Variants in MAP7 observed in about 807,000 individuals in gnomAD.
MAP7 encodes microtubule associated protein 7.
Under a neutral mutation model 94.8 loss-of-function variants are expected in MAP7, and 52 were observed. That is an observed-to-expected ratio of 0.55 (90% CI 0.44 to 0.69). The LOEUF is 0.69. Ranked by LOEUF, MAP7 falls within the 30% of genes least tolerant of loss-of-function variation. MAP7 has a pLI of 0.00. For missense variants in MAP7, 940 were observed against 964.6 expected (o/e 0.97, Z 0.34); for synonymous variants, 350 against 357.0 (o/e 0.98, Z 0.22).
intron 1 of MAP7, among the ~76,000 whole-genome samples, chr6:136,521,782 C>T (rs1193578274): frequency 6.6e-6 from 1 of 152,178 alleles, no homozygotes; most frequent in Admixed American, 6.5e-5. Flanking sequence ...CTCAGCCAGA[C>T]ATTTGGGATG....
chr6:136,453,095 A>G (rs141760504), intron 1 of MAP7, among the ~76,000 whole-genome samples: 1 of 152,332 alleles, frequency 6.6e-6, no homozygotes, highest in African/African-American at 2.4e-5. Flanking sequence ...CGTGAAGTAT[A>G]TATGTTAATA....
At chr6:136,364,369 C>T (rs1346304173) in intron 10 of MAP7, 15 of 393,102 alleles carry the variant, frequency 3.8e-5, no homozygotes, top group African/African-American at 2.1e-5. Flanking sequence ...GCCCCCTCCA[C>T]CAATGCTGTT....
intron 1 of MAP7, among the ~76,000 whole-genome samples, chr6:136,514,982 T>A (rs1824394648): frequency 6.6e-6 from 1 of 152,274 alleles, no homozygotes; most frequent in Non-Finnish European, 1.5e-5. Flanking sequence ...ACGTCCTAGA[T>A]GGCATCTTCT....
intron 3 of MAP7, among the ~76,000 whole-genome samples, chr6:136,392,666 G>C (rs1169543216): frequency 1.3e-5 from 2 of 152,008 alleles, no homozygotes; most frequent in African/African-American, 2.4e-5. Context: ...GAATCAAAGG[G>C]AACATACATT....
At chr6:136,444,064 T>C (rs73777906) in intron 1 of MAP7, among the ~76,000 whole-genome samples, 5,856 of 152,286 alleles carry the variant, frequency 0.038, 394 homozygotes, top group African/African-American at 0.13. Flanking sequence ...ATGTCAAAAT[T>C]TCCTCACTTT....
chr6:136,490,016 T>C (rs1339698660), intron 1 of MAP7, among the ~76,000 whole-genome samples: 2 of 152,196 alleles, frequency 1.3e-5, no homozygotes, highest in South Asian at 2.1e-4. Context: ...TGGCACAAGA[T>C]AGCCTGTGAG....
chr6:136,407,642 T>C (rs1348540085), intron 3 of MAP7, among the ~76,000 whole-genome samples: 2 of 152,136 alleles, frequency 1.3e-5, no homozygotes, highest in East Asian at 1.9e-4. Context: ...ACTGGGCTAG[T>C]TGATAGTAGA....
Position 136,360,693 on chromosome 6 carries a change from C to T in MAP7, c.1803+4G>A, listed in dbSNP as rs368255789. The T allele has an allele frequency of 6.2e-7, 1 of 1,613,878 alleles. No homozygotes were observed. Among genetic ancestry groups the T allele is most frequent in the African/African-American group, 1.3e-5 (1 of 74,926 alleles). On this transcript the variant is annotated splice_donor_region_variant and intron_variant, in intron 13 of 17. Coordinates refer to ENST00000354570, the MANE Select transcript of MAP7 (RefSeq NM_003980.6). Reference sequence around the variant, plus strand: ...CCCGGGCCTCTCTACTAAGACGCAGCTACCTTCTTTCTCTCCAGGCGCTCT... The same window carrying T: ...CCCGGGCCTCTCTACTAAGACGCAGTTACCTTCTTTCTCTCCAGGCGCTCT...
At chr6:136,400,688 GAA>G (rs1175830711) in intron 3 of MAP7, among the ~76,000 whole-genome samples, 4 of 152,270 alleles carry the variant, frequency 2.6e-5, no homozygotes, top group African/African-American at 9.6e-5. Context: ...AAGACCCAAA[GAA>G]GTGAAATGAT....
chr6:136,497,659 C>T (rs561626781), intron 1 of MAP7, among the ~76,000 whole-genome samples: 2 of 151,562 alleles, frequency 1.3e-5, no homozygotes, highest in African/African-American at 2.4e-5. Context: ...ATTAGCCAGG[C>T]GTGGTGGCAC....
intron 1 of MAP7, among the ~76,000 whole-genome samples, chr6:136,538,416 G>C (rs1829048856): frequency 6.6e-6 from 1 of 152,104 alleles, no homozygotes; most frequent in South Asian, 2.1e-4. Context: ...AGTCACAACG[G>C]GTGTTAGGAG....
chr6:136,498,361 G>A (rs753892777), intron 1 of MAP7, among the ~76,000 whole-genome samples: 1 of 152,012 alleles, frequency 6.6e-6, no homozygotes, highest in Non-Finnish European at 1.5e-5. Flanking sequence ...AAGTAACTGA[G>A]GACACTGGGA....
At chr6:136,505,269 G>GTTTATATATA (rs1201954440) in intron 1 of MAP7, among the ~76,000 whole-genome samples, 1 of 99,486 alleles carries the variant, frequency 1.0e-5, no homozygotes, top group Non-Finnish European at 1.9e-5. Flanking sequence ...GTGTGTGTGT[G>GTTTATATATA]TGTGTGTGTA....
intron 15 of MAP7, among the ~76,000 whole-genome samples, chr6:136,359,214 A>G (rs1791832996): frequency 6.6e-6 from 1 of 152,212 alleles, no homozygotes; most frequent in Non-Finnish European, 1.5e-5. Context: ...AACTCTAATG[A>G]AATTTCAAGA....
chr6:136,529,412 C>T lies in MAP7; in HGVS notation c.67+20930G>A, dbSNP rs114900565. Among the ~76,000 whole-genome samples, 1,044 of 152,190 alleles carry T rather than the reference C, an allele frequency of 6.9e-3. 9 individuals carry two copies. Among genetic ancestry groups the T allele is most frequent in the African/African-American group, 0.024 (997 of 41,524 alleles). On this transcript the variant is annotated intron_variant, in intron 1 of 17. Transcript: ENST00000354570. ...TGGGATTAAAGGTTATAAGCCACCG[C>T]GCCCAGCCTCCTGAACTCTTCTCCA...
At chr6:136,524,227 G>C (rs1357956829) in intron 1 of MAP7, among the ~76,000 whole-genome samples, 1 of 152,054 alleles carries the variant, frequency 6.6e-6, no homozygotes, top group Non-Finnish European at 1.5e-5. Flanking sequence ...CTGGGCAACA[G>C]AGCAAGACTC....
At chr6:136,372,466 C>T in intron 8 of MAP7, 35 bp downstream of exon 8, 6 of 1,612,396 alleles carry the variant, frequency 3.7e-6, no homozygotes, top group Non-Finnish European at 5.1e-6. Flanking sequence ...GCACTGGCTC[C>T]CAGACTTGCC....
chr6:136,364,003 C>T (rs1793574217), intron 10 of MAP7: 5 of 225,604 alleles, frequency 2.2e-5, no homozygotes, highest in South Asian at 5.9e-5. Context: ...TTCCAGTTTT[C>T]CTCAGCTGCT....
At chr6:136,494,692 C>T (rs1038439959) in intron 1 of MAP7, among the ~76,000 whole-genome samples, 2 of 152,104 alleles carry the variant, frequency 1.3e-5, no homozygotes, top group African/African-American at 4.8e-5. Context: ...GTCATGTCTA[C>T]ACGAGATGAA....
Sources: gnomAD v4.1 joint callset for allele counts (sites outside exome capture counted in the v4.1 genomes callset) on GRCh38, gnomAD v4.1.1 for gene constraint, MANE v1.5 for transcripts, NCBI Gene and HGNC (gene_info 2026-07-23, HGNC 2026-07-21) for gene names.